Variants in CCDC102B observed in about 807,000 individuals in gnomAD.
The protein encoded by CCDC102B is coiled-coil domain containing 102B.
In CCDC102B, 75 loss-of-function variants were observed where a neutral mutation model predicts 57.4. The observed-to-expected ratio is 1.31, with a 90% CI of 1.08 to 1.58. The LOEUF (loss-of-function observed/expected upper bound fraction) is 1.58, where lower values mean the gene tolerates loss of function less well. Among genes scored for constraint, CCDC102B ranks in the 40% most tolerant of loss-of-function variants. CCDC102B has a pLI of 0.00. For missense variants in CCDC102B, 636 were observed against 582.6 expected (o/e 1.09, Z -0.94); for synonymous variants, 206 against 201.9 (o/e 1.02, Z -0.17).
At position 69,054,956 on chromosome 18, in the gene CCDC102B, A is replaced by G; in HGVS notation, c.*819A>G. Reference sequence around the variant, plus strand: ...ATGTGAATATTTCTTTAAAACTTTTATGTACATTATAGTTTATTGCTTCAT... The same window carrying G: ...ATGTGAATATTTCTTTAAAACTTTTGTGTACATTATAGTTTATTGCTTCAT... On this transcript the variant is annotated 3_prime_UTR_variant, in exon 8 of 8. Coordinates refer to ENST00000360242, the MANE Select transcript of CCDC102B (RefSeq NM_024781.3). 1.0e-6 allele frequency: 1 copy of G among 983,566 alleles called. No individual in the cohort carries two copies. The allele number at this position is 983,566 out of a possible 1,614,324, so 60.9% of individuals were successfully genotyped here.
intron 4 of CCDC102B, among the ~76,000 whole-genome samples, chr18:68,871,006 C>A (rs1375323952): frequency 5.7e-4 from 87 of 152,024 alleles, no homozygotes; most frequent in Non-Finnish European, 1.0e-4. Context: ...CCATGCTTAT[C>A]TGAATATAGA....
intron 6 of CCDC102B, among the ~76,000 whole-genome samples, chr18:68,901,809 A>C (rs1452360425): frequency 6.6e-6 from 1 of 152,132 alleles, no homozygotes; most frequent in Non-Finnish European, 1.5e-5. Flanking sequence ...CTGACCCTGA[A>C]CTGAATAGAC....
chr18:68,834,567 A>G (rs1325543260), intron 1 of CCDC102B, among the ~76,000 whole-genome samples: 2 of 150,512 alleles, frequency 1.3e-5, no homozygotes, highest in East Asian at 3.9e-4. Context: ...TGAAGGGAAC[A>G]AAACACTCCA....
chr18:68,906,019 G>A (rs1366571420), intron 6 of CCDC102B, among the ~76,000 whole-genome samples: 1 of 151,414 alleles, frequency 6.6e-6, no homozygotes, highest in Admixed American at 6.6e-5. Context: ...GGTCTTGATC[G>A]CCTGACCTCG....
chr18:69,022,910 A>T (rs983884620), intron 7 of CCDC102B, among the ~76,000 whole-genome samples: 1 of 151,844 alleles, frequency 6.6e-6, no homozygotes, highest in African/African-American at 2.4e-5. Context: ...TGAGGGTGAG[A>T]GATGGCGGGC....
chr18:68,828,669 A>C (rs1181870828), intron 1 of CCDC102B, among the ~76,000 whole-genome samples: 1 of 151,688 alleles, frequency 6.6e-6, no homozygotes, highest in African/African-American at 2.4e-5. Context: ...ACCACAGGAA[A>C]CTTAGAAAAA....
At chr18:69,028,798 G>A (rs1435686782) in intron 7 of CCDC102B, among the ~76,000 whole-genome samples, 3 of 149,666 alleles carry the variant, frequency 2.0e-5, no homozygotes, top group African/African-American at 7.7e-5. Context: ...GAGTGAACAA[G>A]CAGCCCAGAA....
chr18:68,897,477 T>A (rs769220995), intron 6 of CCDC102B, 49 bp downstream of exon 6: 2 of 1,572,850 alleles, frequency 1.3e-6, no homozygotes, highest in Non-Finnish European at 1.7e-6. Context: ...CTCACTCTGA[T>A]GCCTACGCAG....
At chr18:68,876,726 A>G (rs1338305148) in intron 5 of CCDC102B, among the ~76,000 whole-genome samples, 1 of 152,226 alleles carries the variant, frequency 6.6e-6, no homozygotes, top group African/African-American at 2.4e-5. Flanking sequence ...TTAGTGATAT[A>G]GATTTAAACA....
At chr18:68,808,942 A>T (rs947273927) in intron 1 of CCDC102B, among the ~76,000 whole-genome samples, 1 of 152,208 alleles carries the variant, frequency 6.6e-6, no homozygotes, top group African/African-American at 2.4e-5. Flanking sequence ...ATGTCATAAG[A>T]AGTATATGTT....
At chr18:68,735,953 C>A (rs1461788751) in intron 2 of CCDC102B, among the ~76,000 whole-genome samples, 1 of 152,194 alleles carries the variant, frequency 6.6e-6, no homozygotes, top group African/African-American at 2.4e-5. Context: ...TAAGGTTATG[C>A]AGGCAGGCTT....
chr18:69,010,893 A>G (rs761951270), intron 6 of CCDC102B, 41 bp from the exon 7 acceptor site: 1 of 1,448,446 alleles, frequency 6.9e-7, no homozygotes, highest in Non-Finnish European at 9.3e-7. Flanking sequence ...ATTTTATCAG[A>G]ATAGACTATA....
intron 2 of CCDC102B, among the ~76,000 whole-genome samples, chr18:68,784,179 T>C (rs912612673): frequency 2.0e-5 from 3 of 152,164 alleles, no homozygotes; most frequent in African/African-American, 7.2e-5. Flanking sequence ...GTTAATTGAC[T>C]CACAGTTCTG....
chr18:68,716,050 A>G (rs759186000), intron 1 of CCDC102B, among the ~76,000 whole-genome samples: 3 of 152,158 alleles, frequency 2.0e-5, no homozygotes, highest in East Asian at 1.9e-4. Context: ...CCCTTTGTGC[A>G]TGCAGCATGG....
chr18:68,949,564 T>G lies in CCDC102B; in HGVS notation c.1263+52136T>G, dbSNP rs951775186. Among the ~76,000 whole-genome samples the G allele has an allele frequency of 4.6e-5, 7 of 152,128 alleles. No individual in the cohort carries two copies. The East Asian group carries it at 1.4e-3, about 29-fold the overall frequency. On this transcript the variant is annotated intron_variant, in intron 6 of 7. Coordinates refer to ENST00000360242, the MANE Select transcript of CCDC102B (RefSeq NM_024781.3). ...CCTCAGGTGAATATTTAGTCAGCTT[T>G]TTGCCACCCCTCTTTATAATGTGGT...
intron 2 of CCDC102B, among the ~76,000 whole-genome samples, chr18:68,837,797 C>A (rs1340865777): frequency 6.6e-6 from 1 of 152,098 alleles, no homozygotes; most frequent in African/African-American, 2.4e-5. Context: ...GGTTAGGAGA[C>A]CTAACAAGAA....
At chr18:68,968,966 T>C in intron 6 of CCDC102B, among the ~76,000 whole-genome samples, 1 of 152,308 alleles carries the variant, frequency 6.6e-6, no homozygotes, top group South Asian at 2.1e-4. Context: ...GGAGTTTTTT[T>C]GTATACCAAT....
At chr18:68,998,310 T>C (rs1184838369) in intron 6 of CCDC102B, among the ~76,000 whole-genome samples, 2 of 100,240 alleles carry the variant, frequency 2.0e-5, no homozygotes, top group East Asian at 2.7e-4. Context: ...TACACACATA[T>C]ATACACATGT....
intron 2 of CCDC102B, among the ~76,000 whole-genome samples, chr18:68,785,305 T>C (rs888604430): frequency 3.3e-5 from 5 of 152,152 alleles, no homozygotes; most frequent in African/African-American, 1.2e-4. Flanking sequence ...CATGTGTCTT[T>C]ATAGCAGCAT....
Sources: gnomAD v4.1 joint callset for allele counts (sites outside exome capture counted in the v4.1 genomes callset) on GRCh38, gnomAD v4.1.1 for gene constraint, MANE v1.5 for transcripts, NCBI Gene and HGNC (gene_info 2026-07-23, HGNC 2026-07-21) for gene names.